The following HSPH1 variants were observed in gnomAD, a reference collection of about 807,000 sequenced individuals.
HSPH1 encodes the protein heat shock protein 105 kDa.
Under a neutral mutation model 100.0 loss-of-function variants are expected in HSPH1, and 40 were observed. The ratio of observed to expected loss-of-function variants is 0.40; its 90% CI spans 0.31 to 0.52. The LOEUF (loss-of-function observed/expected upper bound fraction) is 0.52. HSPH1 is among the 20% of genes least tolerant of loss of function. The pLI, the probability that HSPH1 is intolerant of heterozygous loss-of-function variation, is 0.54. For missense variants in HSPH1, 876 were observed against 1,015.1 expected (o/e 0.86, Z 1.86); for synonymous variants, 403 against 344.0 (o/e 1.17, Z -1.90).
At position 31,137,461 on chromosome 13, in the gene HSPH1, G is replaced by A; in HGVS notation, c.2434C>T (p.Leu812=). 6.2e-7 allele frequency: 1 copy of A among 1,613,574 alleles called. No individual in the cohort carries two copies. Among genetic ancestry groups the A allele is most frequent in the Non-Finnish European group, 8.5e-7 (1 of 1,179,700 alleles). The change falls in exon 18 of 18, where the codon CTG becomes TTG. Residue 812 remains leucine (L), a synonymous_variant. Transcript: ENST00000320027. ...QPKPKIESPK[L]ERTPNGPNID... is the part of the protein sequence containing the mutation. The stretch of plus-strand genomic sequence containing the variant: ...TTTGGGCCATTTGGAGTTCTTTCCA[G>A]TTTGGGTGATTCAATTTTTGGTTTC...
intron 3 of HSPH1, 81 bp from the exon 4 acceptor site, chr13:31,154,836 A>G (rs1050639577): frequency 3.7e-5 from 44 of 1,183,552 alleles, no homozygotes; most frequent in Non-Finnish European, 5.1e-5. Context: ...AAATTAGCAC[A>G]CATTCCCTTC....
chr13:31,152,929 G>C lies in HSPH1; in HGVS notation c.452C>G (p.Ala151Gly). 6.2e-7 allele frequency: 1 copy of C among 1,611,856 alleles called. No homozygotes were observed. Among genetic ancestry groups the C allele is most frequent in the Non-Finnish European group, 8.5e-7 (1 of 1,178,332 alleles). The change falls in exon 5 of 18, where the codon GCT becomes GGT. Residue 151 changes from alanine (A) to glycine (G), a missense_variant. Ala to Gly is a moderately conservative substitution (Grantham distance 60). Transcript: ENST00000320027. Reference protein sequence around the residue: ...VISVPSFFTDAERRSVLDAAQ... With the variant: ...VISVPSFFTDGERRSVLDAAQ... ...AGCATCTAACACAGATCGCCTCTCA[G>C]CATCTGTAAAGAAGGAGGGGACCTA...
chr13:31,156,277 C>A (rs1344449616), intron 2 of HSPH1, among the ~76,000 whole-genome samples: 1 of 152,082 alleles, frequency 6.6e-6, no homozygotes, highest in African/African-American at 2.4e-5. Flanking sequence ...GCAGTCCCAG[C>A]TACTCGGGAG....
At chr13:31,153,442 G>T (rs1021616286) in intron 4 of HSPH1, among the ~76,000 whole-genome samples, 1 of 152,120 alleles carries the variant, frequency 6.6e-6, no homozygotes, top group South Asian at 2.1e-4. Context: ...TCACTGAGGT[G>T]CTCTTTAATT....
intron 2 of HSPH1, 130 bp downstream of exon 2, chr13:31,158,676 T>G (rs914641869): frequency 1.6e-6 from 1 of 611,128 alleles, no homozygotes; most frequent in East Asian, 2.8e-5. Flanking sequence ...TAAAGAATAC[T>G]TGAATTACAT....
rs754688152 is a variant in HSPH1 at position 31,161,663 on chromosome 13, C to T, written c.-81G>A. On this transcript the variant is annotated 5_prime_UTR_variant, in exon 1 of 18. Coordinates refer to ENST00000320027, the MANE Select transcript of HSPH1 (RefSeq NM_006644.4). ...TGCCTGCTTCTCCTGCCGCCGCTTT[C>T]TGCCCTGGCCGCGTTCTGCTCCGGC... The T allele has an allele frequency of 6.3e-6, 10 of 1,579,390 alleles. No individual in the cohort carries two copies. The highest frequency in any genetic ancestry group is 8.6e-6 in the Non-Finnish European group (10 of 1,169,082).
intron 10 of HSPH1, among the ~76,000 whole-genome samples, chr13:31,147,068 G>A (rs924478757): frequency 2.6e-5 from 4 of 152,180 alleles, no homozygotes; most frequent in Admixed American, 6.5e-5. Flanking sequence ...AAAGTGGGAT[G>A]TAAGATGGCT....
At chr13:31,138,120 A>T (rs141531962) in intron 17 of HSPH1, among the ~76,000 whole-genome samples, 229 of 152,178 alleles carry the variant, frequency 1.5e-3, no homozygotes, top group African/African-American at 5.3e-3. Context: ...CCATAAGGGC[A>T]GAGACTACAC....
At chr13:31,147,568 A>C (rs1053886637) in intron 10 of HSPH1, among the ~76,000 whole-genome samples, 9 of 152,136 alleles carry the variant, frequency 5.9e-5, no homozygotes, top group Admixed American at 1.3e-4. Flanking sequence ...TCGCTGACTC[A>C]GGTTTTAAAT....
intron 10 of HSPH1, among the ~76,000 whole-genome samples, chr13:31,146,855 T>C (rs1049423376): frequency 6.6e-6 from 1 of 152,200 alleles, no homozygotes; most frequent in East Asian, 1.9e-4. Flanking sequence ...AATAAGTATT[T>C]TGAACCTATT....
chr13:31,148,363 C>T lies in HSPH1; in HGVS notation c.1244+11G>A. On this transcript the variant is annotated intron_variant, in intron 9 of 17. Transcript: ENST00000320027. ...CATTATAGTATCTGAATGTTATTTT[C>T]TGCTACATACCCTTCAGTATCTTCT... The T allele has an allele frequency of 7.0e-7, 1 of 1,432,310 alleles. No individual in the cohort carries two copies. The highest frequency in any genetic ancestry group is 9.8e-7 in the Non-Finnish European group (1 of 1,024,266). The allele number at this position is 1,432,310 out of a possible 1,614,324, so 88.7% of individuals were successfully genotyped here.
At chr13:31,157,896 G>C (rs1040020943) in intron 2 of HSPH1, among the ~76,000 whole-genome samples, 1 of 151,530 alleles carries the variant, frequency 6.6e-6, no homozygotes, top group Non-Finnish European at 1.5e-5. Flanking sequence ...TCAATAAGTA[G>C]TCAACAGAAA....
At chr13:31,157,797 T>C (rs1227394959) in intron 2 of HSPH1, among the ~76,000 whole-genome samples, 3 of 152,246 alleles carry the variant, frequency 2.0e-5, no homozygotes, top group Non-Finnish European at 2.9e-5. Flanking sequence ...GCTACCTACA[T>C]AAAATTTTGT....
chr13:31,155,418 TG>T, intron 3 of HSPH1, 95 bp downstream of exon 3: 5 of 916,844 alleles, frequency 5.5e-6, no homozygotes, highest in Non-Finnish European at 8.1e-6. Context: ...AAAGACCACC[TG>T]GTGTAATTAA....
chr13:31,144,909 C>T (rs1956216817), intron 11 of HSPH1, among the ~76,000 whole-genome samples: 1 of 152,172 alleles, frequency 6.6e-6, no homozygotes, highest in Admixed American at 6.5e-5. Context: ...AGATAACGCA[C>T]TTTCTCACAT....
Position 31,135,722 on chromosome 13 carries a change from G to C in HSPH1, c.*1596C>G, listed in dbSNP as rs1325474454. ...TTCACCCAGGAAGCATCAGAGCTGA[G>C]GAAATAAACCTCAGCAGTCAAGTGT... On this transcript the variant is annotated 3_prime_UTR_variant, in exon 18 of 18. Coordinates refer to ENST00000320027, the MANE Select transcript of HSPH1 (RefSeq NM_006644.4). The C allele has an allele frequency of 6.6e-6, 1 of 152,182 alleles. No homozygotes were observed. Among genetic ancestry groups the C allele is most frequent in the African/African-American group, 2.4e-5 (1 of 41,448 alleles). 9.4% of individuals were successfully genotyped at this position (152,182 alleles called of 1,614,324 possible).
rs1479660570 is a variant in HSPH1, at chr13:31,135,124, A to G, written c.*2194T>C. Reference sequence around the variant, plus strand: ...ACTAGGTATATATCACAACTGTTTGAGCCAATGATATTAATACGTTATTAT... The same window carrying G: ...ACTAGGTATATATCACAACTGTTTGGGCCAATGATATTAATACGTTATTAT... On this transcript the variant is annotated 3_prime_UTR_variant, in exon 18 of 18. Transcript: ENST00000320027. 5.3e-5 allele frequency: 8 copies of G among 152,226 alleles called. No homozygotes were observed. The highest frequency in any genetic ancestry group is 1.4e-4 in the African/African-American group (6 of 41,458). The allele number at this position is 152,226 out of a possible 1,614,324, so 9.4% of individuals were successfully genotyped here. A position where few individuals can be genotyped will look rare whatever the true frequency, so the allele number is the denominator to read the frequency against.
intron 12 of HSPH1, among the ~76,000 whole-genome samples, chr13:31,143,531 T>C: frequency 6.6e-6 from 1 of 152,150 alleles, no homozygotes; most frequent in East Asian, 1.9e-4. Context: ...ACGAACAGTA[T>C]ACATTAGTCT....
At chr13:31,156,866 TG>T (rs1004494594) in intron 2 of HSPH1, among the ~76,000 whole-genome samples, 1 of 152,228 alleles carries the variant, frequency 6.6e-6, no homozygotes, top group Admixed American at 6.5e-5. Context: ...TAAAAGATGG[TG>T]TTTTTTTAAT....
Sources: gnomAD v4.1 joint callset for allele counts (sites outside exome capture counted in the v4.1 genomes callset) on GRCh38, gnomAD v4.1.1 for gene constraint, MANE v1.5 for transcripts, NCBI Gene and HGNC (gene_info 2026-07-23, HGNC 2026-07-21) for gene names.